NBPF26: variants seen among roughly 807,000 people sequenced by gnomAD.
NBPF26 encodes the protein NBPF family member NBPF26.
NBPF26 carries 79 observed loss-of-function variants against 119.6 expected under a neutral mutation model. That is an observed-to-expected ratio of 0.66 (90% CI 0.55 to 0.80). The LOEUF (loss-of-function observed/expected upper bound fraction) is 0.80, where lower values mean the gene tolerates loss of function less well. Ranked by LOEUF, NBPF26 falls within the 30% of genes least tolerant of loss-of-function variation. The pLI is 0.00. For synonymous variants in NBPF26, 299 were observed against 457.7 expected (o/e 0.65, Z 4.43); for missense variants, 800 against 1,198.2 (o/e 0.67, Z 4.91).
chr1:120,812,901 C>T lies in NBPF26; in HGVS notation c.1774+806C>T, dbSNP rs1417244786. Among the ~76,000 whole-genome samples the T allele has an allele frequency of 1.6e-4, 18 of 109,760 alleles. 1 individual carries two copies. Among genetic ancestry groups the T allele is most frequent in the South Asian group, 1.3e-3 (5 of 3,740 alleles). The allele number at this position is 109,760 out of a possible 152,430, so 72.0% of individuals were successfully genotyped here. ...TTTTGCCATTGCACTCCAGCCTGGG[C>T]GACAGGGCAAGACTGCTAAAAATAA... On this transcript the variant is annotated intron_variant, in intron 10 of 29. Transcript: ENST00000620612.
intron 6 of NBPF26, 114 bp from the exon 7 acceptor site, chr1:120,808,431 A>G: frequency 2.1e-6 from 2 of 964,912 alleles, no homozygotes; most frequent in East Asian, 2.4e-5. Context: ...ACGTGTGCTG[A>G]CCTTCTGTTT....
chr1:120,822,996 C>T lies in NBPF26; in HGVS notation c.2588-313C>T. On this transcript the variant is annotated intron_variant, in intron 16 of 29. Coordinates refer to ENST00000620612, the Ensembl canonical transcript of NBPF26. Reference sequence around the variant, plus strand: ...AAAAGCCTAATATTGAAGTATCTCTCCTATGAGGTGTTAGAACTATTTGCC... The same window carrying T: ...AAAAGCCTAATATTGAAGTATCTCTTCTATGAGGTGTTAGAACTATTTGCC... 1.6e-5 allele frequency among the ~76,000 whole-genome samples: 2 copies of T among 125,450 alleles called. 1 individual carries two copies. Among genetic ancestry groups the T allele is most frequent in the Non-Finnish European group, 3.3e-5 (2 of 61,522 alleles). 82.3% of individuals were successfully genotyped at this position (125,450 alleles called of 152,430 possible).
chr1:120,805,382 G>A lies in NBPF26; in HGVS notation c.752-174G>A, dbSNP rs1462550961. The A allele has an allele frequency of 4.0e-5, 44 of 1,106,396 alleles. 6 individuals are homozygous for A. Among genetic ancestry groups the A allele is most frequent in the Admixed American group, 1.6e-4 (7 of 42,672 alleles). 68.5% of individuals were successfully genotyped at this position (1,106,396 alleles called of 1,614,324 possible). A position where few individuals can be genotyped will look rare whatever the true frequency, so the allele number is the denominator to read the frequency against. On this transcript the variant is annotated intron_variant, in intron 4 of 29. Coordinates refer to ENST00000620612, the Ensembl canonical transcript of NBPF26. ...GGCAGTGCTTTCAGCTCTGAGTTGA[G>A]GCACCTCGAACCTTGTTTTTGTGGT...
rs1651402268 is a variant in NBPF26 at position 120,784,720 on chromosome 1, T to C, written c.156-254T>C. 1.7e-5 allele frequency among the ~76,000 whole-genome samples: 2 copies of C among 118,498 alleles called. 1 individual carries two copies. The highest frequency in any genetic ancestry group is 9.8e-5 in the African/African-American group (2 of 20,450). 77.7% of individuals were successfully genotyped at this position (118,498 alleles called of 152,430 possible). ...CATCTTTTACTTAGTAATTTTGTTTTCGTCTTCAGCTATTAGAATGTAAAC... is the reference window on the plus strand; with the variant it reads ...CATCTTTTACTTAGTAATTTTGTTTCCGTCTTCAGCTATTAGAATGTAAAC... On this transcript the variant is annotated intron_variant, in intron 2 of 29. Coordinates refer to ENST00000620612, the Ensembl canonical transcript of NBPF26.
chr1:120,810,214 C>T (rs1433167569), intron 8 of NBPF26, 133 bp from the exon 9 acceptor site: 1 of 1,095,548 alleles, frequency 9.1e-7, no homozygotes, highest in South Asian at 1.3e-5. Context: ...CCTGTTTCCT[C>T]TTTAAGGGAA....
chr1:120,785,000 A>T lies in NBPF26; in HGVS notation c.182A>T (p.Tyr61Phe). Residue 61 changes from tyrosine to phenylalanine, a missense_variant, in exon 3 of 30, where the codon TAT becomes TTT. By Grantham distance (22) the Tyr-to-Phe change is conservative. Around this residue, in one of 13 missense-constraint regions of NBPF26, gnomAD observed 209 missense variants for 285.2 expected, o/e 0.73. Coordinates refer to ENST00000620612, the Ensembl canonical transcript of NBPF26. ...TGTCCAGAAGGCTTCTTGGGGGAAT[A>T]TTGTCAACATCGAGACCCCTGTGAG... 1.7e-5 allele frequency: 24 copies of T among 1,422,052 alleles called. 4 individuals carry two copies. In the South Asian group the frequency reaches 2.9e-4, roughly 17 times the overall value. The allele number at this position is 1,422,052 out of a possible 1,614,324, so 88.1% of individuals were successfully genotyped here. A position where few individuals can be genotyped will look rare whatever the true frequency, so the allele number is the denominator to read the frequency against.
intron 4 of NBPF26, among the ~76,000 whole-genome samples, chr1:120,802,781 G>A (rs1474485927): frequency 1.7e-5 from 2 of 116,728 alleles, no homozygotes; most frequent in South Asian, 2.5e-4. Flanking sequence ...CAGGACAGTT[G>A]TGTTCACTAG....
chr1:120,777,474 A>G (rs1651312212), intron 2 of NBPF26, among the ~76,000 whole-genome samples: 1 of 108,952 alleles, frequency 9.2e-6, no homozygotes, highest in South Asian at 2.7e-4. Context: ...AGAGTGAGAG[A>G]TTGTATACTT....
intron 15 of NBPF26, among the ~76,000 whole-genome samples, chr1:120,819,619 G>A (rs1294959462): frequency 2.9e-5 from 3 of 103,404 alleles, no homozygotes; most frequent in Admixed American, 9.7e-5. Flanking sequence ...GGCTGGTACC[G>A]ATTGTTCCTT....
intron 1 of NBPF26, among the ~76,000 whole-genome samples, chr1:120,727,354 C>G (rs1650826920): frequency 2.7e-5 from 3 of 112,890 alleles, no homozygotes; most frequent in Non-Finnish European, 5.0e-5. Context: ...ATTTCCATAA[C>G]AAATGTAACC....
Position 120,745,938 on chromosome 1 carries a change from C to A in NBPF26, c.74-17690C>A, listed in dbSNP as rs1320033221. Reference sequence around the variant, plus strand: ...TTTGAGACAGGGCCTCACTCTGTCACCCAGACTGGAGGGCAGTGGTGCGAT... The same window carrying A: ...TTTGAGACAGGGCCTCACTCTGTCAACCAGACTGGAGGGCAGTGGTGCGAT... On this transcript the variant is annotated intron_variant, in intron 1 of 29. Transcript: ENST00000620612. Among the ~76,000 whole-genome samples the A allele has an allele frequency of 1.1e-4, 3 of 27,710 alleles. No individual in the cohort carries two copies. The East Asian group carries it at 2.2e-3, about 21-fold the overall frequency. 18.2% of individuals were successfully genotyped at this position (27,710 alleles called of 152,430 possible).
At chr1:120,745,252 A>C (rs1650969070) in intron 1 of NBPF26, among the ~76,000 whole-genome samples, 2 of 107,748 alleles carry the variant, frequency 1.9e-5, no homozygotes, top group South Asian at 5.3e-4. Context: ...ATGGGTCATG[A>C]AACCAATTTG....
At chr1:120,811,667 A>G (rs2101509303) in intron 9 of NBPF26, among the ~76,000 whole-genome samples, 1 of 114,158 alleles carries the variant, frequency 8.8e-6, no homozygotes, top group East Asian at 2.1e-4. Context: ...CGTATAAGCA[A>G]GAAAAGTGTA....
chr1:120,724,607 G>T (rs1650795923), intron 1 of NBPF26, among the ~76,000 whole-genome samples: 1 of 119,100 alleles, frequency 8.4e-6, no homozygotes, highest in African/African-American at 4.4e-5. Flanking sequence ...GGTCGAGCGA[G>T]AGCCGACGGC....
exon 1 of NBPF26, chr1:120,724,151 G>A: frequency 3.4e-6 from 2 of 584,856 alleles, no homozygotes; most frequent in Admixed American, 3.2e-5. Flanking sequence ...GGCGGCGGCG[G>A]AGGAGGAGGA....
Position 120,724,451 on chromosome 1 carries a change from G to T in NBPF26, c.73+201G>T, listed in dbSNP as rs1344359293. Among the ~76,000 whole-genome samples the T allele has an allele frequency of 2.5e-5, 3 of 121,016 alleles. 1 individual carries two copies. Among genetic ancestry groups the T allele is most frequent in the Non-Finnish European group, 4.9e-5 (3 of 61,534 alleles). The allele number at this position is 121,016 out of a possible 152,430, so 79.4% of individuals were successfully genotyped here. A position where few individuals can be genotyped will look rare whatever the true frequency, so the allele number is the denominator to read the frequency against. ...GCCCCGCCAACCGCTGGGGTTCCCCGCCGCCTCTGCTCCCCGCGGCCCGGG... is the reference window on the plus strand; with the variant it reads ...GCCCCGCCAACCGCTGGGGTTCCCCTCCGCCTCTGCTCCCCGCGGCCCGGG... On this transcript the variant is annotated intron_variant, in intron 1 of 29. Coordinates refer to ENST00000620612, the Ensembl canonical transcript of NBPF26.
At chr1:120,816,805 G>A (rs1652017226) in exon 14 of NBPF26, 2 of 1,441,948 alleles carry the variant, frequency 1.4e-6, no homozygotes, top group Non-Finnish European at 1.9e-6. Context: ...TTGAATGGGA[G>A]GATGCTGTAC....
exon 1 of NBPF26, chr1:120,724,008 T>C: frequency 8.6e-7 from 1 of 1,168,366 alleles, no homozygotes; most frequent in Non-Finnish European, 1.1e-6. Context: ...GCGCGGGGAG[T>C]CGAGGCATTT....
intron 4 of NBPF26, among the ~76,000 whole-genome samples, chr1:120,799,000 T>TG (rs1467038598): frequency 0.014 from 2 of 140 alleles, no homozygotes; most frequent in African/African-American, 0.062. Flanking sequence ...AGACTTCTTC[T>TG]GGGGGAAAAA....
Sources: gnomAD v4.1 joint callset for allele counts (sites outside exome capture counted in the v4.1 genomes callset) on GRCh38, gnomAD v4.1.1 for gene constraint, gnomAD v4.1.1 regional missense constraint, MANE v1.5 for transcripts, NCBI Gene and HGNC (gene_info 2026-07-23, HGNC 2026-07-21) for gene names.